Variants in RASSF8 observed in about 807,000 individuals in gnomAD.
The protein encoded by RASSF8 is Ras association domain family member 8, also known as ras association domain-containing protein 8.
A neutral mutation model predicts 48.5 loss-of-function variants in RASSF8; 22 were observed. The observed-to-expected ratio is 0.45, with a 90% CI of 0.32 to 0.65. The LOEUF (loss-of-function observed/expected upper bound fraction) is 0.65. Ranked by LOEUF, RASSF8 falls within the 30% of genes least tolerant of loss-of-function variation. The pLI, the probability that RASSF8 is intolerant of heterozygous loss-of-function variation, is 0.03. For synonymous variants in RASSF8, 127 were observed against 171.5 expected, an observed-to-expected ratio of 0.74 and a Z score of 2.03; for missense variants, 418 against 489.2, an observed-to-expected ratio of 0.85 and a Z score of 1.37.
intron 2 of RASSF8, 115 bp from the exon 3 acceptor site, chr12:26,055,121 C>A: frequency 2.0e-6 from 1 of 505,628 alleles, no homozygotes; most frequent in Non-Finnish European, 3.6e-6. Flanking sequence ...TAAAATAAGC[C>A]TGTGTACTTC....
downstream of RASSF8, among the ~76,000 whole-genome samples, chr12:26,073,815 TACACATAC>T (rs1187390323): frequency 8.3e-3 from 713 of 85,738 alleles, 10 homozygotes; most frequent in African/African-American, 0.045. Context: ...CACATATATA[TACACATAC>T]ACACACACAC....
At chr12:26,075,681 C>T (rs1017884411), downstream of RASSF8, among the ~76,000 whole-genome samples, 2 of 152,178 alleles carry the variant, frequency 1.3e-5, no homozygotes, top group Admixed American at 6.5e-5. Context: ...TTACAAGTCT[C>T]CTGCAATGCT....
intron 1 of RASSF8, among the ~76,000 whole-genome samples, chr12:25,969,333 C>T (rs144024565): frequency 0.011 from 1,619 of 152,250 alleles, 30 homozygotes; most frequent in African/African-American, 0.031. Flanking sequence ...TTCTCTGTGC[C>T]TTATCGGTAA....
At chr12:26,025,747 G>A (rs1177095978) in intron 2 of RASSF8, among the ~76,000 whole-genome samples, 1 of 151,814 alleles carries the variant, frequency 6.6e-6, no homozygotes, top group Admixed American at 6.6e-5. Context: ...TATACTATCA[G>A]TAAACAATTG....
intron 1 of RASSF8, among the ~76,000 whole-genome samples, chr12:25,962,999 C>T (rs1350225129): frequency 6.6e-6 from 1 of 152,064 alleles, no homozygotes; most frequent in African/African-American, 2.4e-5. Context: ...TTTTTATCAG[C>T]ATAAGCTTAC....
rs1943957065 is a variant in RASSF8, at chr12:26,069,570, A to G, written c.*752A>G. ...TCAGACACTGTTGAACAAAAATGTAATTGGTAAGTATGTATCCAAACAGGC... is the reference window on the plus strand; with the variant it reads ...TCAGACACTGTTGAACAAAAATGTAGTTGGTAAGTATGTATCCAAACAGGC... On this transcript the variant is annotated 3_prime_UTR_variant, in exon 6 of 6. Transcript: ENST00000689635. 2 of 985,460 alleles carry G rather than the reference A, an allele frequency of 2.0e-6. No homozygotes were observed. The highest frequency in any genetic ancestry group is 2.4e-6 in the Non-Finnish European group (2 of 829,930). The allele number at this position is 985,460 out of a possible 1,614,324, so 61.0% of individuals were successfully genotyped here. A position where few individuals can be genotyped will look rare whatever the true frequency, so the allele number is the denominator to read the frequency against.
At chr12:26,026,882 T>C (rs1198790115) in intron 2 of RASSF8, among the ~76,000 whole-genome samples, 5 of 152,192 alleles carry the variant, frequency 3.3e-5, no homozygotes, top group Non-Finnish European at 7.3e-5. Flanking sequence ...GACCCAGCAA[T>C]TCTGCTCCTA....
intron 2 of RASSF8, chr12:26,052,597 T>TA (rs999170007): frequency 5.3e-5 from 8 of 152,186 alleles, no homozygotes; most frequent in African/African-American, 7.2e-5. Context: ...CACACGCACC[T>TA]ACAGTGTAGG....
chr12:26,072,215 A>T lies in RASSF8; in HGVS notation c.*3397A>T. On this transcript the variant is annotated 3_prime_UTR_variant, in exon 6 of 6. Transcript: ENST00000689635. ...GTTTATATTGTGTTAAAATTAGCTT[A>T]TAATTATTACTTTTGTATTGTGTTC... 2 of 969,900 alleles carry T rather than the reference A, an allele frequency of 2.1e-6. No homozygotes were observed. Among genetic ancestry groups the T allele is most frequent in the Non-Finnish European group, 2.5e-6 (2 of 815,816 alleles). The allele number at this position is 969,900 out of a possible 1,614,324, so 60.1% of individuals were successfully genotyped here. A position where few individuals can be genotyped will look rare whatever the true frequency, so the allele number is the denominator to read the frequency against.
rs1218780769 is a variant in RASSF8, at chr12:26,068,813, G to T, written c.1255G>T (p.Val419Leu). 6.5e-7 allele frequency: 1 copy of T among 1,536,748 alleles called. No homozygotes were observed. Among genetic ancestry groups the T allele is most frequent in the Non-Finnish European group, 8.7e-7 (1 of 1,146,642 alleles). Reference protein sequence around the residue: ...SSGFNPEGIYV With the variant: ...SSGFNPEGIYL ...TGGTTTTAATCCTGAAGGCATATAT[G>T]TATGACATTATCTGTCTTTAGGGAG... Residue 419 changes from valine to leucine, a missense_variant, in exon 6 of 6, where the codon GTA (valine) becomes TTA (leucine). Transcript: ENST00000689635.
At chr12:26,001,428 A>G (rs942726811) in intron 2 of RASSF8, among the ~76,000 whole-genome samples, 4 of 152,066 alleles carry the variant, frequency 2.6e-5, no homozygotes, top group South Asian at 2.1e-4. Flanking sequence ...TTTTTACTTT[A>G]TGAACTTTTT....
At chr12:25,987,473 A>G (rs1565606200) in intron 1 of RASSF8, among the ~76,000 whole-genome samples, 1 of 152,250 alleles carries the variant, frequency 6.6e-6, no homozygotes, top group Non-Finnish European at 1.5e-5. Flanking sequence ...ATACTAAGGC[A>G]GGAAATGATA....
intron 2 of RASSF8, among the ~76,000 whole-genome samples, chr12:26,050,310 G>A (rs544926370): frequency 2.6e-5 from 4 of 152,100 alleles, no homozygotes; most frequent in Non-Finnish European, 5.9e-5. Context: ...CTGAAAATTT[G>A]CATTGCTATT....
At chr12:26,008,145 C>T (rs1013463452) in intron 2 of RASSF8, among the ~76,000 whole-genome samples, 7 of 151,826 alleles carry the variant, frequency 4.6e-5, no homozygotes, top group Admixed American at 6.6e-5. Context: ...TGGTGGCGGG[C>T]GCCTGTAGTC....
In RASSF8 at chr12:26,069,694, C is replaced by T. The variant is rs150687831; in HGVS notation, c.*876C>T. 6,497 of 985,366 alleles carry T rather than the reference C, an allele frequency of 6.6e-3. 28 individuals are homozygous for T. Among genetic ancestry groups the T allele is most frequent in the Non-Finnish European group, 7.1e-3 (5,889 of 829,902 alleles). The allele number at this position is 985,366 out of a possible 1,614,324, so 61.0% of individuals were successfully genotyped here. ...TAATCTAACATGGAAGTTATAGATA[C>T]CTGAAAGCTGGGTTGGTCTACTTCA... On this transcript the variant is annotated 3_prime_UTR_variant, in exon 6 of 6. Coordinates refer to ENST00000689635, the MANE Select transcript of RASSF8 (RefSeq NM_001394098.1).
At chr12:26,058,285 G>A (rs115486729) in intron 3 of RASSF8, among the ~76,000 whole-genome samples, 431 of 152,292 alleles carry the variant, frequency 2.8e-3, no homozygotes, top group African/African-American at 8.6e-3. Flanking sequence ...AAGTAGCCGA[G>A]AGCTGTGGAT....
chr12:25,967,020 A>G (rs926899024), intron 1 of RASSF8, among the ~76,000 whole-genome samples: 4 of 152,252 alleles, frequency 2.6e-5, no homozygotes, highest in Non-Finnish European at 2.9e-5. Flanking sequence ...TGAAACGACT[A>G]TTCTTTCTCC....
chr12:26,005,866 A>G (rs767563804), intron 2 of RASSF8, among the ~76,000 whole-genome samples: 1 of 152,172 alleles, frequency 6.6e-6, no homozygotes, highest in Admixed American at 6.5e-5. Flanking sequence ...TGAACCTCCA[A>G]TTTCAATACT....
intron 2 of RASSF8, among the ~76,000 whole-genome samples, chr12:26,003,528 AT>A (rs897194715): frequency 6.6e-5 from 10 of 152,186 alleles, no homozygotes; most frequent in Non-Finnish European, 1.2e-4. Flanking sequence ...TTATCTATAG[AT>A]TTTTTTTAAC....
Sources: allele counts gnomAD v4.1 joint callset (sites outside exome capture counted in the v4.1 genomes callset), GRCh38; gene constraint gnomAD v4.1.1; transcripts MANE v1.5; gene names NCBI Gene and HGNC (gene_info 2026-07-23, HGNC 2026-07-21).